The following ANKRD13C variants were observed in gnomAD, a reference collection of about 807,000 sequenced individuals.
ANKRD13C encodes ankyrin repeat domain 13C, also known as ankyrin repeat domain-containing protein 13C.
In ANKRD13C, 16 loss-of-function variants were observed where a neutral mutation model predicts 65.5. That is an observed-to-expected ratio of 0.24 (90% CI 0.17 to 0.37). The LOEUF (loss-of-function observed/expected upper bound fraction) is 0.37. ANKRD13C is among the 10% of genes least tolerant of loss of function. ANKRD13C has a pLI of 1.00. For synonymous variants in ANKRD13C, 235 were observed against 238.7 expected (o/e 0.98, Z 0.14); for missense variants, 503 against 655.9 (o/e 0.77, Z 2.55).
intron 9 of ANKRD13C, among the ~76,000 whole-genome samples, chr1:70,279,390 T>C (rs1268751170): frequency 1.3e-5 from 2 of 152,052 alleles, no homozygotes; most frequent in Non-Finnish European, 2.9e-5. Context: ...TCCTTTCCTG[T>C]CCTTGGAAAC....
intron 9 of ANKRD13C, among the ~76,000 whole-genome samples, chr1:70,282,199 T>C (rs1679427682): frequency 6.6e-6 from 1 of 151,086 alleles, no homozygotes; most frequent in Admixed American, 6.6e-5. Flanking sequence ...GGACTACAGG[T>C]GTCCACCACC....
chr1:70,285,502 CTT>C (rs1679582769), intron 9 of ANKRD13C, among the ~76,000 whole-genome samples: 1 of 151,894 alleles, frequency 6.6e-6, no homozygotes, highest in Non-Finnish European at 1.5e-5. Flanking sequence ...GCTATAATGA[CTT>C]TTAAAACTTT....
rs536962404 is a variant in ANKRD13C, at chr1:70,292,800, GTAGT to G, written c.1054-255_1054-252del. 8.1e-4 allele frequency among the ~76,000 whole-genome samples: 123 copies of G among 152,078 alleles called. 1 individual carries two copies. The highest frequency in any genetic ancestry group is 1.5e-3 in the Non-Finnish European group (102 of 68,020). On this transcript the variant is annotated intron_variant, in intron 8 of 12. Coordinates refer to ENST00000370944, the MANE Select transcript of ANKRD13C (RefSeq NM_030816.5). Reference sequence around the variant, plus strand: ...AATTTAAAATACATAAAAATGTATGGTAGTTAATTTGCAAATGATTTTAAATAAA... The same window carrying G: ...AATTTAAAATACATAAAAATGTATGGTAATTTGCAAATGATTTTAAATAAA...
intron 3 of ANKRD13C, among the ~76,000 whole-genome samples, chr1:70,323,546 G>A (rs149642221): frequency 0.017 from 2,582 of 151,846 alleles, 79 homozygotes; most frequent in African/African-American, 0.059. Flanking sequence ...GGGAGGCTGA[G>A]GCAGGAGAAC....
chr1:70,273,907 T>C (rs999529702), intron 11 of ANKRD13C, among the ~76,000 whole-genome samples: 16 of 151,610 alleles, frequency 1.1e-4, no homozygotes, highest in Non-Finnish European at 1.8e-4. Flanking sequence ...CCGCCCACCT[T>C]GGCCTCCCAA....
intron 5 of ANKRD13C, among the ~76,000 whole-genome samples, chr1:70,308,707 C>G (rs1680701014): frequency 6.9e-6 from 1 of 145,104 alleles, no homozygotes; most frequent in Non-Finnish European, 1.5e-5. Context: ...CCACTGTGCT[C>G]CAGCCTGGGC....
intron 1 of ANKRD13C, among the ~76,000 whole-genome samples, chr1:70,343,081 A>G (rs1682383607): frequency 1.3e-5 from 2 of 152,336 alleles, no homozygotes; most frequent in African/African-American, 4.8e-5. Flanking sequence ...ACCTTCCATT[A>G]CAAGTCCAAA....
chr1:70,329,190 T>C (rs1338610541), intron 2 of ANKRD13C, among the ~76,000 whole-genome samples: 2 of 152,106 alleles, frequency 1.3e-5, no homozygotes, highest in Non-Finnish European at 2.9e-5. Flanking sequence ...TATTGTATGA[T>C]TTCAACTGTT....
rs1228932561 is a variant in ANKRD13C, at chr1:70,274,598, G to C, written c.1394+122C>G. ...CTAGAACAGTGCACACACTATCAAG[G>C]CAATGGCTATTTGCTTTTCATTTCA... On this transcript the variant is annotated intron_variant, in intron 11 of 12. Coordinates refer to ENST00000370944, the MANE Select transcript of ANKRD13C (RefSeq NM_030816.5). 3 of 727,022 alleles carry C rather than the reference G, an allele frequency of 4.1e-6. No homozygotes were observed. The South Asian group carries it at 5.1e-5, about 12-fold the overall frequency. The allele number at this position is 727,022 out of a possible 1,614,324, so 45.0% of individuals were successfully genotyped here. A position where few individuals can be genotyped will look rare whatever the true frequency, so the allele number is the denominator to read the frequency against.
Position 70,315,483 on chromosome 1 carries a change from C to T in ANKRD13C, c.661G>A (p.Glu221Lys). The T allele has an allele frequency of 6.3e-7, 1 of 1,598,136 alleles. No homozygotes were observed. The change falls in exon 4 of 13, where the codon GAG becomes AAG. Residue 221 changes from glutamate to lysine, a missense_variant and splice_region_variant. Coordinates refer to ENST00000370944, the MANE Select transcript of ANKRD13C (RefSeq NM_030816.5). ...ATTAACAAAGAAATATAGCTTACCT[C>T]TTTCAGGGCTTTTAATAATCGAGGT... ...KRPRLLKALK[E>K]LGDFYLELHW...
Position 70,260,182 on chromosome 1 carries a change from G to A in ANKRD13C, c.*2535C>T, listed in dbSNP as rs1678340747. 6.6e-6 allele frequency among the ~76,000 whole-genome samples: 1 copy of A among 152,060 alleles called. No individual in the cohort carries two copies. The highest frequency in any genetic ancestry group is 1.5e-5 in the Non-Finnish European group (1 of 67,972). On this transcript the variant is annotated 3_prime_UTR_variant, in exon 13 of 13. Transcript: ENST00000370944. ...TGTGACAGTTTCCAAACCATCATCT[G>A]TACTTCTTATACTCACAAAAATCAG... is the stretch of plus-strand genomic sequence containing the variant.
chr1:70,352,077 G>A (rs963516881), intron 1 of ANKRD13C, among the ~76,000 whole-genome samples: 2 of 151,874 alleles, frequency 1.3e-5, no homozygotes, highest in African/African-American at 4.8e-5. Flanking sequence ...CGGTGGCTCA[G>A]GCCTGTAATC....
At chr1:70,306,630 C>G (rs968329028) in intron 5 of ANKRD13C, among the ~76,000 whole-genome samples, 3 of 151,980 alleles carry the variant, frequency 2.0e-5, no homozygotes, top group Non-Finnish European at 2.9e-5. Flanking sequence ...GAATGGGTAA[C>G]CAGATAGACC....
At chr1:70,263,621 ATATGTAAAATAAAG>A (rs1678479715) in intron 12 of ANKRD13C, among the ~76,000 whole-genome samples, 1 of 152,172 alleles carries the variant, frequency 6.6e-6, no homozygotes, top group African/African-American at 2.4e-5. Context: ...CAGGGATTTC[ATATGTAAAATAAAG>A]AAACTCTGAA....
intron 5 of ANKRD13C, among the ~76,000 whole-genome samples, chr1:70,310,598 T>A (rs1415877480): frequency 6.6e-6 from 1 of 152,256 alleles, no homozygotes; most frequent in Non-Finnish European, 1.5e-5. Context: ...ACTATAGATA[T>A]ATACACAATT....
rs1365713188 is a variant in ANKRD13C at position 70,259,585 on chromosome 1, C to G, written c.*3132G>C. ...GCAACCAGAGTTAGTTACTATTGCC[C>G]CAGATTTCTGACATAAAATGCTTTG... is the stretch of plus-strand genomic sequence containing the variant. On this transcript the variant is annotated 3_prime_UTR_variant, in exon 13 of 13. Transcript: ENST00000370944. 1.3e-5 allele frequency among the ~76,000 whole-genome samples: 2 copies of G among 152,098 alleles called. No homozygotes were observed. Among genetic ancestry groups the G allele is most frequent in the Non-Finnish European group, 2.9e-5 (2 of 68,022 alleles).
At chr1:70,297,646 T>TG (rs1343542664) in intron 7 of ANKRD13C, among the ~76,000 whole-genome samples, 5 of 146,518 alleles carry the variant, frequency 3.4e-5, no homozygotes, top group Non-Finnish European at 6.0e-5. Flanking sequence ...CCGGGCTAGG[T>TG]GGCTCATGCC....
At chr1:70,321,398 C>T (rs973906941) in intron 3 of ANKRD13C, among the ~76,000 whole-genome samples, 2 of 152,178 alleles carry the variant, frequency 1.3e-5, no homozygotes, top group African/African-American at 4.8e-5. Context: ...TAAATGAAGA[C>T]TTCTAGTTCA....
At chr1:70,298,447 T>C (rs1163726600) in intron 7 of ANKRD13C, among the ~76,000 whole-genome samples, 2 of 152,174 alleles carry the variant, frequency 1.3e-5, no homozygotes, top group African/African-American at 4.8e-5. Flanking sequence ...AAAATTTATC[T>C]TTCCTGTATT....
Sources: allele counts gnomAD v4.1 joint callset (sites outside exome capture counted in the v4.1 genomes callset), GRCh38; gene constraint gnomAD v4.1.1; transcripts MANE v1.5; gene names NCBI Gene and HGNC (gene_info 2026-07-23, HGNC 2026-07-21).